The following FRMD3 variants were observed in gnomAD, a reference collection of about 807,000 sequenced individuals.
FRMD3 encodes FERM domain-containing protein 3.
In FRMD3, 33 loss-of-function variants were observed where a neutral mutation model predicts 70.2. The observed-to-expected ratio is 0.47, with a 90% confidence interval of 0.36 to 0.63. The LOEUF (loss-of-function observed/expected upper bound fraction) is 0.63, where lower values mean the gene tolerates loss of function less well. Ranked by LOEUF, FRMD3 falls within the 20% of genes least tolerant of loss-of-function variation. The pLI, the probability that FRMD3 is intolerant of heterozygous loss-of-function variation, is 0.00. For missense variants in FRMD3, 632 were observed against 711.4 expected (o/e 0.89, Z 1.27); for synonymous variants, 279 against 255.9 (o/e 1.09, Z -0.86).
At chr9:83,283,530 C>CAAA (rs765093024) in intron 13 of FRMD3, among the ~76,000 whole-genome samples, 8 of 132,240 alleles carry the variant, frequency 6.0e-5, no homozygotes, top group African/African-American at 1.4e-4. Context: ...GAATCCATCT[C>CAAA]AAAAAAAAAA....
intron 1 of FRMD3, among the ~76,000 whole-genome samples, chr9:83,510,650 C>T (rs77135520): frequency 0.026 from 4,006 of 152,266 alleles, 80 homozygotes; most frequent in Non-Finnish European, 0.038. Context: ...CAACTAACTG[C>T]GGTACGTCCA....
At chr9:83,290,332 T>C (rs1044793202) in intron 13 of FRMD3, among the ~76,000 whole-genome samples, 7 of 152,250 alleles carry the variant, frequency 4.6e-5, no homozygotes, top group Non-Finnish European at 7.3e-5. Context: ...GTTAGTGTAC[T>C]GGACTGGTGT....
intron 2 of FRMD3, among the ~76,000 whole-genome samples, chr9:83,375,211 G>A (rs904088570): frequency 6.6e-6 from 1 of 152,212 alleles, no homozygotes; most frequent in Admixed American, 6.5e-5. Context: ...ATAGATTGGC[G>A]ATGTCTGCCA....
intron 13 of FRMD3, among the ~76,000 whole-genome samples, chr9:83,274,951 A>T (rs1276631077): frequency 1.3e-5 from 2 of 152,188 alleles, no homozygotes; most frequent in Admixed American, 1.3e-4. Context: ...GAAGGGTAAC[A>T]AGGCAAGGGT....
intron 11 of FRMD3, 116 bp from the exon 12 acceptor site, chr9:83,298,932 G>A: frequency 9.0e-7 from 1 of 1,113,608 alleles, no homozygotes; most frequent in Non-Finnish European, 1.4e-6. Flanking sequence ...TAGAAATCAT[G>A]AGGGGGAAAA....
At chr9:83,250,239 T>C (rs932564012) in intron 13 of FRMD3, among the ~76,000 whole-genome samples, 13 of 151,822 alleles carry the variant, frequency 8.6e-5, no homozygotes, top group African/African-American at 3.1e-4. Context: ...TGTTGAGTGA[T>C]TGTGTGACCC....
the FRMD3 span, among the ~76,000 whole-genome samples, chr9:83,565,429 C>G: frequency 6.6e-6 from 1 of 152,158 alleles, no homozygotes; most frequent in Non-Finnish European, 1.5e-5. Flanking sequence ...GTTGTTTATC[C>G]AGAGCTGAAA....
At chr9:83,459,343 A>G (rs1827906097) in intron 1 of FRMD3, among the ~76,000 whole-genome samples, 1 of 152,158 alleles carries the variant, frequency 6.6e-6, no homozygotes, top group Non-Finnish European at 1.5e-5. Context: ...CCCCACCTGG[A>G]GCAGGTATCC....
the FRMD3 span, among the ~76,000 whole-genome samples, chr9:83,567,777 C>A: frequency 2.0e-5 from 3 of 152,340 alleles, no homozygotes; most frequent in East Asian, 5.8e-4. Flanking sequence ...TATGAGACCA[C>A]CTCAGCCTGG....
At chr9:83,309,491 T>G in intron 10 of FRMD3, 45 bp downstream of exon 10, 2 of 1,134,970 alleles carry the variant, frequency 1.8e-6, no homozygotes, top group Non-Finnish European at 2.6e-6. Context: ...AAGAATTCCA[T>G]GGGTGCTTTT....
chr9:83,490,763 TTCTCTCTCTC>T lies in FRMD3; in HGVS notation c.147+47312_147+47321del, dbSNP rs67058664. On this transcript the variant is annotated intron_variant, in intron 1 of 13. Transcript: ENST00000304195. ...ATAAAAAATCCAGTTTTTTACTCTC[TTCTCTCTCTC>T]TCTCTCTCTCTCTCTCTCTCTCTCT... Among the ~76,000 whole-genome samples, 1,162 of 129,250 alleles carry T rather than the reference TTCTCTCTCTC, an allele frequency of 9.0e-3. 3 individuals are homozygous for T. The highest frequency in any genetic ancestry group is 0.017 in the African/African-American group (586 of 35,276). The allele number at this position is 129,250 out of a possible 152,430, so 84.8% of individuals were successfully genotyped here.
At chr9:83,443,580 G>A (rs1349144881) in intron 1 of FRMD3, among the ~76,000 whole-genome samples, 1 of 152,182 alleles carries the variant, frequency 6.6e-6, no homozygotes, top group Non-Finnish European at 1.5e-5. Context: ...TTGCTATTGT[G>A]AATAGTGCCG....
intron 1 of FRMD3, among the ~76,000 whole-genome samples, chr9:83,506,891 A>ATTTTTAAACTTTTTTTC (rs770675372): frequency 2.0e-4 from 31 of 152,092 alleles, no homozygotes; most frequent in Non-Finnish European, 4.0e-4. Context: ...CTATTTTTGT[A>ATTTTTAAACTTTTTTTC]TTTTTAAACT....
At chr9:83,535,884 C>A (rs1829882260) in intron 1 of FRMD3, among the ~76,000 whole-genome samples, 1 of 152,188 alleles carries the variant, frequency 6.6e-6, no homozygotes, top group African/African-American at 2.4e-5. Flanking sequence ...CAGATGGATT[C>A]ACCCAGAACA....
intron 6 of FRMD3, among the ~76,000 whole-genome samples, chr9:83,327,406 G>C (rs983146708): frequency 6.6e-6 from 1 of 152,230 alleles, no homozygotes; most frequent in African/African-American, 2.4e-5. Flanking sequence ...GCAGGGAGCT[G>C]TCTATGCTTT....
At chr9:83,350,146 A>G (rs1466415636) in intron 3 of FRMD3, among the ~76,000 whole-genome samples, 1 of 152,180 alleles carries the variant, frequency 6.6e-6, no homozygotes, top group Non-Finnish European at 1.5e-5. Context: ...CTGGGCTCAC[A>G]AAAGATTTTT....
At chr9:83,490,796 TCTCACA>T (rs1382035173) in intron 1 of FRMD3, among the ~76,000 whole-genome samples, 7,003 of 111,508 alleles carry the variant, frequency 0.063, 201 homozygotes, top group African/African-American at 0.14. Flanking sequence ...TCTCTCTCTC[TCTCACA>T]CACACACACA....
At chr9:83,406,226 T>C (rs1424546082) in intron 1 of FRMD3, among the ~76,000 whole-genome samples, 2 of 152,100 alleles carry the variant, frequency 1.3e-5, no homozygotes, top group Non-Finnish European at 2.9e-5. Context: ...TTCCCCTCCC[T>C]CCGTCCACCC....
intron 1 of FRMD3, among the ~76,000 whole-genome samples, chr9:83,446,221 C>A (rs1462932529): frequency 6.6e-6 from 1 of 152,080 alleles, no homozygotes; most frequent in Non-Finnish European, 1.5e-5. Flanking sequence ...TCGAGCTTGC[C>A]GGGAGATGAA....
Sources: gnomAD v4.1 joint callset for allele counts (sites outside exome capture counted in the v4.1 genomes callset) on GRCh38, gnomAD v4.1.1 for gene constraint, MANE v1.5 for transcripts, NCBI Gene and HGNC (gene_info 2026-07-23, HGNC 2026-07-21) for gene names.